Variants in EPHA6 observed in about 807,000 individuals in gnomAD.
EPHA6 encodes the protein EPH receptor A6.
In EPHA6, 50 loss-of-function variants were observed where a neutral mutation model predicts 112.0. The ratio of observed to expected loss-of-function variants is 0.45; its 90% CI spans 0.36 to 0.56. The LOEUF is 0.56. EPHA6 is among the 20% of genes least tolerant of loss of function. EPHA6 has a pLI of 0.00. For synonymous variants in EPHA6, 529 were observed against 490.7 expected, an observed-to-expected ratio of 1.08 and a Z score of -1.03; for missense variants, 1,280 against 1,417.4, an observed-to-expected ratio of 0.90 and a Z score of 1.56.
intron 3 of EPHA6, among the ~76,000 whole-genome samples, chr3:97,122,922 GA>G (rs952949258): frequency 1.3e-5 from 2 of 151,910 alleles, no homozygotes; most frequent in African/African-American, 4.8e-5. Context: ...TGGAGTGTTT[GA>G]AAAAATATTT....
At chr3:97,223,485 TGG>T in intron 3 of EPHA6, among the ~76,000 whole-genome samples, 1 of 152,270 alleles carries the variant, frequency 6.6e-6, no homozygotes, top group Non-Finnish European at 1.5e-5. Flanking sequence ...TCCAAGATTC[TGG>T]AAAAGGCCAG....
chr3:97,628,726 A>T (rs1309018968), intron 13 of EPHA6, among the ~76,000 whole-genome samples: 1 of 152,036 alleles, frequency 6.6e-6, no homozygotes, highest in African/African-American at 2.4e-5. Context: ...ATGTACTCAA[A>T]TTATAAATCT....
At chr3:97,212,330 A>G (rs2077899866) in intron 3 of EPHA6, among the ~76,000 whole-genome samples, 1 of 152,204 alleles carries the variant, frequency 6.6e-6, no homozygotes, top group South Asian at 2.1e-4. Flanking sequence ...TATAACATTA[A>G]GTAAAAATCA....
intron 1 of EPHA6, among the ~76,000 whole-genome samples, chr3:96,839,932 A>T (rs1293258079): frequency 6.6e-6 from 1 of 152,102 alleles, no homozygotes; most frequent in African/African-American, 2.4e-5. Flanking sequence ...GTGGTTAGAG[A>T]GGGCAGGAAT....
chr3:97,311,442 TCA>T (rs35415439), intron 5 of EPHA6, among the ~76,000 whole-genome samples: 4,115 of 143,588 alleles, frequency 0.029, 74 homozygotes, highest in Non-Finnish European at 0.035. Context: ...GATTACACTT[TCA>T]CACACACACA....
intron 9 of EPHA6, among the ~76,000 whole-genome samples, chr3:97,483,266 A>G (rs760819961): frequency 1.3e-5 from 2 of 152,190 alleles, no homozygotes; most frequent in Admixed American, 6.5e-5. Context: ...ATTCTCACCA[A>G]TGAAGCTCAG....
At chr3:96,947,919 G>A (rs762468255) in intron 2 of EPHA6, among the ~76,000 whole-genome samples, 4 of 152,024 alleles carry the variant, frequency 2.6e-5, no homozygotes, top group African/African-American at 7.2e-5. Context: ...ATATAGACCC[G>A]AAAGAGAGCC....
In EPHA6 at chr3:97,370,072, C is replaced by T. The variant is rs980852765; in HGVS notation, c.1607-35078C>T. On this transcript the variant is annotated intron_variant, in intron 5 of 17. Coordinates refer to ENST00000389672, the MANE Select transcript of EPHA6 (RefSeq NM_001080448.3). ...CCCTACAATCTCCACCCTCTCTTCACGTTTTTAGCCATGCAGCATTTACAA... is the reference window on the plus strand; with the variant it reads ...CCCTACAATCTCCACCCTCTCTTCATGTTTTTAGCCATGCAGCATTTACAA... Among the ~76,000 whole-genome samples the T allele has an allele frequency of 6.6e-5, 10 of 152,142 alleles. No homozygotes were observed. The East Asian group carries it at 1.4e-3, about 21-fold the overall frequency.
chr3:96,894,827 G>A (rs1054424981), intron 2 of EPHA6, among the ~76,000 whole-genome samples: 3 of 152,078 alleles, frequency 2.0e-5, no homozygotes, highest in Non-Finnish European at 4.4e-5. Context: ...CAAAAGCAAA[G>A]GAAAGTGCAG....
intron 3 of EPHA6, among the ~76,000 whole-genome samples, chr3:97,000,136 T>C (rs1200539379): frequency 2.6e-5 from 4 of 151,754 alleles, no homozygotes; most frequent in Non-Finnish European, 5.9e-5. Context: ...TACTGTTGTG[T>C]AATATAGATT....
At chr3:97,196,779 T>A (rs1054280035) in intron 3 of EPHA6, among the ~76,000 whole-genome samples, 2 of 151,816 alleles carry the variant, frequency 1.3e-5, no homozygotes, top group Admixed American at 6.6e-5. Context: ...CCGAATGAAT[T>A]CTCTGTATTA....
intron 3 of EPHA6, among the ~76,000 whole-genome samples, chr3:97,180,588 G>A (rs2076960642): frequency 6.6e-6 from 1 of 152,002 alleles, no homozygotes; most frequent in East Asian, 1.9e-4. Context: ...GCCAAGACTG[G>A]GTCTTTTCCT....
intron 4 of EPHA6, among the ~76,000 whole-genome samples, chr3:97,227,873 T>C (rs964065327): frequency 6.6e-5 from 10 of 152,156 alleles, no homozygotes; most frequent in South Asian, 4.1e-4. Context: ...CCAGAACTAC[T>C]CCGTGGTTGG....
At chr3:97,234,234 T>A (rs2078615944) in intron 4 of EPHA6, among the ~76,000 whole-genome samples, 1 of 152,084 alleles carries the variant, frequency 6.6e-6, no homozygotes, top group South Asian at 2.1e-4. Context: ...GCCTAGCTGG[T>A]TTTGTTTATC....
chr3:97,731,727 G>A (rs534160814), intron 15 of EPHA6, among the ~76,000 whole-genome samples: 1 of 152,136 alleles, frequency 6.6e-6, no homozygotes, highest in African/African-American at 2.4e-5. Flanking sequence ...ACCTAGCTCA[G>A]AACTTGACAC....
At chr3:97,490,172 T>G (rs1192655962) in intron 10 of EPHA6, among the ~76,000 whole-genome samples, 5 of 152,194 alleles carry the variant, frequency 3.3e-5, no homozygotes, top group Admixed American at 6.5e-5. Flanking sequence ...GTAATGATTT[T>G]ACGTGACTAT....
rs1432386478 is a variant in EPHA6 at position 97,757,180 on chromosome 3, C to T, written c.*8479C>T. The stretch of plus-strand genomic sequence containing the variant: ...AGAGGAGTTTGTTTTAAAATTGTTA[C>T]TTACCTCATTTTAAAAACTGTTAGA... On this transcript the variant is annotated 3_prime_UTR_variant, in exon 18 of 18. Transcript: ENST00000389672. Among the ~76,000 whole-genome samples the T allele has an allele frequency of 1.3e-5, 2 of 151,744 alleles. No individual in the cohort carries two copies. Among genetic ancestry groups the T allele is most frequent in the Admixed American group, 1.3e-4 (2 of 15,240 alleles).
In EPHA6 at chr3:97,405,374, G is replaced by A. The variant is rs1332593521; in HGVS notation, c.1731+100G>A. Reference sequence around the variant, plus strand: ...ACTATATTATTTTATTTTAAACCCTGTTCTTCTTTGGCCTAGCCTCATACC... The same window carrying A: ...ACTATATTATTTTATTTTAAACCCTATTCTTCTTTGGCCTAGCCTCATACC... On this transcript the variant is annotated intron_variant, in intron 6 of 17. Coordinates refer to ENST00000389672, the MANE Select transcript of EPHA6 (RefSeq NM_001080448.3). 13 of 1,084,276 alleles carry A rather than the reference G, an allele frequency of 1.2e-5. No homozygotes were observed. The South Asian group carries it at 1.3e-4, about 11-fold the overall frequency. 67.2% of individuals were successfully genotyped at this position (1,084,276 alleles called of 1,614,324 possible).
intron 11 of EPHA6, among the ~76,000 whole-genome samples, chr3:97,566,118 G>A (rs1359310444): frequency 6.6e-6 from 1 of 152,066 alleles, no homozygotes; most frequent in Non-Finnish European, 1.5e-5. Context: ...GAGAGTGCCA[G>A]GAAACTTACA....
Sources: gnomAD v4.1 joint callset for allele counts (sites outside exome capture counted in the v4.1 genomes callset) on GRCh38, gnomAD v4.1.1 for gene constraint, MANE v1.5 for transcripts, NCBI Gene and HGNC (gene_info 2026-07-23, HGNC 2026-07-21) for gene names.